Variants in ARID4B observed in about 807,000 individuals in gnomAD.
ARID4B encodes the protein AT-rich interactive domain-containing protein 4B.
A neutral mutation model predicts 147.5 loss-of-function variants in ARID4B; 26 were observed. The ratio of observed to expected loss-of-function variants is 0.18; its 90% CI spans 0.13 to 0.24. ARID4B has a LOEUF of 0.24. Ranked by LOEUF, ARID4B falls within the 10% of genes least tolerant of loss-of-function variation. The pLI is 1.00. For missense variants in ARID4B, 1,179 were observed against 1,511.5 expected (o/e 0.78, Z 3.65); for synonymous variants, 512 against 507.9 (o/e 1.01, Z -0.11).
intron 19 of ARID4B, among the ~76,000 whole-genome samples, chr1:235,188,069 G>T (rs1283541604): frequency 6.6e-6 from 1 of 152,044 alleles, no homozygotes; most frequent in Non-Finnish European, 1.5e-5. Context: ...CTGCACACAT[G>T]TGAGTGTCTA....
rs1421127840 is a variant in ARID4B, at chr1:235,220,312, T to C, written c.1397A>G (p.Lys466Arg). ...CAATATCTGATTTACCAGAGAGGGC[T>C]TAATATTTTCTTTTCTTTCAATTTC... is the stretch of plus-strand genomic sequence containing the variant. Reference protein sequence around the residue: ...EDEIERKENIKPSLGSKKNLL... With the variant: ...EDEIERKENIRPSLGSKKNLL... Residue 466 changes from lysine (K) to arginine (R), a missense_variant, in exon 15 of 24, where the codon AAG (lysine) becomes AGG (arginine). Coordinates refer to ENST00000264183, the MANE Select transcript of ARID4B (RefSeq NM_016374.6). 7.4e-5 allele frequency: 118 copies of C among 1,601,008 alleles called. No individual in the cohort carries two copies. Among genetic ancestry groups the C allele is most frequent in the Admixed American group, 1.0e-4 (6 of 57,560 alleles).
At chr1:235,265,404 G>A (rs997965770) in intron 2 of ARID4B, among the ~76,000 whole-genome samples, 5 of 151,398 alleles carry the variant, frequency 3.3e-5, no homozygotes, top group African/African-American at 4.9e-5. Context: ...GTAATTAAGA[G>A]TATAGGTTCC....
chr1:235,236,934 G>A (rs1455240108), intron 8 of ARID4B, among the ~76,000 whole-genome samples: 3 of 116,246 alleles, frequency 2.6e-5, no homozygotes, highest in African/African-American at 1.0e-4. Context: ...ATGCAGTGGT[G>A]TGATCTCAGA....
At chr1:235,278,251 T>C (rs1671462666) in intron 2 of ARID4B, among the ~76,000 whole-genome samples, 1 of 152,204 alleles carries the variant, frequency 6.6e-6, no homozygotes, top group South Asian at 2.1e-4. Context: ...GTTACTAGGT[T>C]ACTTATCTAC....
chr1:235,203,799 A>G (rs1666111692), intron 17 of ARID4B, among the ~76,000 whole-genome samples: 1 of 152,176 alleles, frequency 6.6e-6, no homozygotes, highest in South Asian at 2.1e-4. Flanking sequence ...AAAATAATAG[A>G]AAAAAACACC....
chr1:235,224,424 T>C (rs1223783830), intron 12 of ARID4B, among the ~76,000 whole-genome samples: 12 of 152,196 alleles, frequency 7.9e-5, no homozygotes, highest in African/African-American at 2.9e-4. Context: ...TTTGCTACTG[T>C]TCTTTAGGGA....
chr1:235,192,679 C>T (rs557428975), intron 19 of ARID4B, among the ~76,000 whole-genome samples: 1 of 152,096 alleles, frequency 6.6e-6, no homozygotes, highest in South Asian at 2.1e-4. Context: ...TTATGGAGAT[C>T]CATTCTTTTA....
intron 11 of ARID4B, chr1:235,229,009 G>T: frequency 4.1e-6 from 2 of 485,308 alleles, no homozygotes; most frequent in South Asian, 6.0e-5. Context: ...TGTTTTTGAG[G>T]TTATTAGGAA....
intron 3 of ARID4B, among the ~76,000 whole-genome samples, chr1:235,257,855 A>T (rs940431366): frequency 6.6e-6 from 1 of 152,178 alleles, no homozygotes; most frequent in African/African-American, 2.4e-5. Context: ...AAAAATGAGA[A>T]AGAAAGATAT....
At chr1:235,283,003 A>G (rs1444512517) in intron 2 of ARID4B, among the ~76,000 whole-genome samples, 2 of 152,020 alleles carry the variant, frequency 1.3e-5, no homozygotes, top group African/African-American at 2.4e-5. Flanking sequence ...GATGGTCTCG[A>G]CTCCTATTGT....
intron 5 of ARID4B, among the ~76,000 whole-genome samples, chr1:235,254,235 CA>C (rs1172831578): frequency 6.6e-6 from 1 of 151,990 alleles, no homozygotes; most frequent in Non-Finnish European, 1.5e-5. Flanking sequence ...GAAGTATAAA[CA>C]AAACTCACCT....
intron 2 of ARID4B, among the ~76,000 whole-genome samples, chr1:235,268,775 G>A (rs1670779498): frequency 1.3e-5 from 2 of 152,186 alleles, no homozygotes; most frequent in Admixed American, 6.5e-5. Context: ...CTCGGCCCAC[G>A]TCTTGATTTC....
intron 2 of ARID4B, among the ~76,000 whole-genome samples, chr1:235,263,605 T>C (rs560968310): frequency 6.6e-6 from 1 of 152,282 alleles, no homozygotes; most frequent in East Asian, 1.9e-4. Flanking sequence ...GGGCAAACTA[T>C]TCTTTTGAAG....
chr1:235,305,269 A>C (rs540511265), intron 2 of ARID4B, among the ~76,000 whole-genome samples: 1 of 152,178 alleles, frequency 6.6e-6, no homozygotes, highest in Admixed American at 6.5e-5. Flanking sequence ...GAGGCAAGGA[A>C]ACCAATTCTC....
chr1:235,215,280 T>A (rs1246439369), intron 16 of ARID4B, among the ~76,000 whole-genome samples: 1 of 152,100 alleles, frequency 6.6e-6, no homozygotes, highest in African/African-American at 2.4e-5. Context: ...AACACTAGAT[T>A]TATTTTTTAA....
intron 17 of ARID4B, among the ~76,000 whole-genome samples, chr1:235,200,530 T>C (rs750785621): frequency 6.6e-6 from 1 of 152,176 alleles, no homozygotes; most frequent in Non-Finnish European, 1.5e-5. Flanking sequence ...ATTAAAATTA[T>C]ATAAGAAAGA....
Position 235,201,011 on chromosome 1 carries a change from G to A in ARID4B, c.1842-4896C>T, listed in dbSNP as rs192309516. On this transcript the variant is annotated intron_variant, in intron 17 of 23. Transcript: ENST00000264183. The stretch of plus-strand genomic sequence containing the variant: ...ACAAAAAAAATTAGCTGGCTGTGGC[G>A]GCGGGCACCTGTAGTCCCAGATACT... Among the ~76,000 whole-genome samples the A allele has an allele frequency of 4.3e-3, 661 of 152,136 alleles. 4 individuals carry two copies. Among genetic ancestry groups the A allele is most frequent in the African/African-American group, 0.015 (626 of 41,512 alleles).
intron 2 of ARID4B, among the ~76,000 whole-genome samples, chr1:235,311,421 T>G (rs145265903): frequency 1.3e-5 from 2 of 149,512 alleles, no homozygotes; most frequent in African/African-American, 4.9e-5. Context: ...TATAAGAAGC[T>G]TTGTATATAT....
intron 2 of ARID4B, among the ~76,000 whole-genome samples, chr1:235,274,324 G>C (rs1221691823): frequency 1.3e-5 from 2 of 152,018 alleles, no homozygotes; most frequent in Non-Finnish European, 2.9e-5. Flanking sequence ...GCAGTGAGCT[G>C]AGATTACACC....
Sources: allele counts gnomAD v4.1 joint callset (sites outside exome capture counted in the v4.1 genomes callset), GRCh38; gene constraint gnomAD v4.1.1; transcripts MANE v1.5; gene names NCBI Gene and HGNC (gene_info 2026-07-23, HGNC 2026-07-21).